Variants in DOCK6 observed in about 807,000 individuals in gnomAD.
DOCK6 encodes dedicator of cytokinesis protein 6.
DOCK6 carries 167 observed loss-of-function variants against 230.3 expected under a neutral mutation model. That is an observed-to-expected ratio of 0.73 (90% confidence interval 0.64 to 0.82). The LOEUF is 0.82. Among genes scored for constraint, DOCK6 ranks in the 40% least tolerant of loss-of-function variants. The pLI, the probability that DOCK6 is intolerant of heterozygous loss-of-function variation, is 0.00. For missense variants in DOCK6, 2,598 were observed against 2,825.8 expected, an observed-to-expected ratio of 0.92 and a Z score of 1.83; for synonymous variants, 1,148 against 1,185.0, an observed-to-expected ratio of 0.97 and a Z score of 0.64.
At chr19:11,246,848 C>T (rs763637128) in intron 7 of DOCK6, among the ~76,000 whole-genome samples, 14 of 152,294 alleles carry the variant, frequency 9.2e-5, no homozygotes, top group Non-Finnish European at 1.5e-4. Context: ...CCGCTCACCA[C>T]GCACCTCCAA....
In DOCK6 at chr19:11,199,476, A is replaced by AC. The variant is rs1241689622; in HGVS notation, c.*20dup. 1.9e-6 allele frequency: 3 copies of AC among 1,572,872 alleles called. No individual in the cohort carries two copies. Among genetic ancestry groups the AC allele is most frequent in the South Asian group, 2.3e-5 (2 of 85,348 alleles). On this transcript the variant is annotated 3_prime_UTR_variant, in exon 48 of 48. Transcript: ENST00000294618. Reference sequence around the variant, plus strand: ...GGCCCGGGTGCTGGTTCCTCTAGGTACAGCTTTGGTCCTTGTGGGCTCAGA... The same window carrying AC: ...GGCCCGGGTGCTGGTTCCTCTAGGTACCAGCTTTGGTCCTTGTGGGCTCAGA...
Position 11,202,535 on chromosome 19 carries a change from C to T in DOCK6, c.5361+49G>A. ...CACCCAGGGACAGCCCCTACTCCAG[C>T]CCCAAGGCAGCCCCATGCCCCGTTC... On this transcript the variant is annotated intron_variant, in intron 42 of 47. Transcript: ENST00000294618. The surrounding 1 kb of genome is among the most constrained non-coding windows in gnomAD (Gnocchi z 5.3). 2 of 1,613,794 alleles carry T rather than the reference C, an allele frequency of 1.2e-6. No homozygotes were observed. The highest frequency in any genetic ancestry group is 1.7e-6 in the Non-Finnish European group (2 of 1,179,814).
At chr19:11,228,766 G>T in intron 23 of DOCK6, 174 bp downstream of exon 23, 2 of 559,522 alleles carry the variant, frequency 3.6e-6, no homozygotes, top group South Asian at 2.1e-5. Flanking sequence ...GTTTCACCGT[G>T]TTAGCCAGGA....
At chr19:11,216,886 C>T (rs1400789907) in intron 30 of DOCK6, 28 bp downstream of exon 30, 1 of 1,611,116 alleles carries the variant, frequency 6.2e-7, no homozygotes, top group Non-Finnish European at 8.5e-7. Flanking sequence ...CCTGCCTCCT[C>T]CATCATCTCC....
intron 5 of DOCK6, chr19:11,251,294 G>C: frequency 1.7e-6 from 1 of 576,482 alleles, no homozygotes; most frequent in South Asian, 2.2e-5. Flanking sequence ...ACCATTGCTG[G>C]GGGAGGCTAC....
Position 11,236,953 on chromosome 19 carries a change from A to G in DOCK6, c.2074-74T>C. The G allele has an allele frequency of 1.4e-6, 2 of 1,441,818 alleles. No individual in the cohort carries two copies. The highest frequency in any genetic ancestry group is 1.3e-5 in the South Asian group (1 of 78,592). The allele number at this position is 1,441,818 out of a possible 1,614,324, so 89.3% of individuals were successfully genotyped here. A position where few individuals can be genotyped will look rare whatever the true frequency, so the allele number is the denominator to read the frequency against. On this transcript the variant is annotated intron_variant, in intron 18 of 47. Coordinates refer to ENST00000294618, the MANE Select transcript of DOCK6 (RefSeq NM_020812.4). This position sits in a 1 kb window ranked among gnomAD's most constrained non-coding sequence, Gnocchi z 5.2. The stretch of plus-strand genomic sequence containing the variant: ...ATCAGGTCACCCAGCGGCCCCAGCC[A>G]TTGCGACACTGCAGCGTGAGTGTAG...
intron 9 of DOCK6, 45 bp downstream of exon 9, chr19:11,245,518 G>C (rs1568257994): frequency 6.6e-7 from 1 of 1,514,684 alleles, no homozygotes; most frequent in Non-Finnish European, 9.0e-7. Flanking sequence ...GACTAAATCA[G>C]TGACATTCGC....
chr19:11,253,799 G>A, intron 1 of DOCK6, 73 bp from the exon 2 acceptor site: 2 of 1,083,638 alleles, frequency 1.8e-6, no homozygotes, highest in Non-Finnish European at 2.6e-6. Flanking sequence ...CTTTCTATGA[G>A]GAAAATCCAG....
At chr19:11,252,715 G>C in intron 3 of DOCK6, 68 bp downstream of exon 3, 1 of 1,595,620 alleles carries the variant, frequency 6.3e-7, no homozygotes, top group Non-Finnish European at 8.6e-7. Flanking sequence ...AGCTGAAGTC[G>C]GGCTGTTGAT....
intron 22 of DOCK6, among the ~76,000 whole-genome samples, chr19:11,230,240 G>A (rs1343230814): frequency 6.6e-6 from 1 of 152,122 alleles, no homozygotes; most frequent in African/African-American, 2.4e-5. Context: ...TTGGGAGGCT[G>A]AGGCAGGAGA....
At chr19:11,211,350 A>G (rs973492964) in intron 37 of DOCK6, among the ~76,000 whole-genome samples, 3 of 146,404 alleles carry the variant, frequency 2.0e-5, no homozygotes, top group Non-Finnish European at 4.5e-5. Flanking sequence ...CAATGGGTCT[A>G]CTCTCTGGAT....
chr19:11,259,191 A>T (rs1762083706), intron 1 of DOCK6, among the ~76,000 whole-genome samples: 2 of 152,054 alleles, frequency 1.3e-5, no homozygotes, highest in Admixed American at 1.3e-4. Flanking sequence ...AGCTGGGACT[A>T]CAGGTATGAG....
In DOCK6 at chr19:11,236,317, A is replaced by G. The variant is rs779342808; in HGVS notation, c.2392+29T>C. 5.3e-6 allele frequency: 8 copies of G among 1,523,158 alleles called. No homozygotes were observed. In the African/African-American group the frequency reaches 9.6e-5, roughly 18 times the overall value. 94.4% of individuals were successfully genotyped at this position (1,523,158 alleles called of 1,614,324 possible). ...GACTGAGAAGCCATGTGGATGGGGA[A>G]ACTGAGGTCTGAGGCCACATTCGCT... On this transcript the variant is annotated intron_variant, in intron 20 of 47. Coordinates refer to ENST00000294618, the MANE Select transcript of DOCK6 (RefSeq NM_020812.4). The surrounding 1 kb of genome is among the most constrained non-coding windows in gnomAD (Gnocchi z 5.2).
intron 1 of DOCK6, chr19:11,254,108 T>G (rs1340741114): frequency 5.3e-6 from 1 of 187,744 alleles, no homozygotes; most frequent in African/African-American, 2.4e-5. Flanking sequence ...CTGGACCCCA[T>G]CCAGAACATA....
At chr19:11,213,720 C>T (rs1303979690) in intron 34 of DOCK6, among the ~76,000 whole-genome samples, 1 of 151,402 alleles carries the variant, frequency 6.6e-6, no homozygotes, top group Non-Finnish European at 1.5e-5. Context: ...CTCAAGCCAT[C>T]CTCCTGCCTC....
intron 22 of DOCK6, among the ~76,000 whole-genome samples, chr19:11,230,635 G>A (rs1286603588): frequency 2.0e-5 from 3 of 152,078 alleles, no homozygotes; most frequent in African/African-American, 7.2e-5. Context: ...CAGAGGTGGA[G>A]GAGGGTGAGT....
chr19:11,203,939 G>T, intron 41 of DOCK6, 142 bp downstream of exon 41: 1 of 1,102,276 alleles, frequency 9.1e-7, no homozygotes, highest in Non-Finnish European at 1.3e-6. Flanking sequence ...GAAATAATGG[G>T]GTGGGTCCCT....
chr19:11,252,046 A>T (rs1012979130), intron 5 of DOCK6, 73 bp downstream of exon 5: 1 of 1,552,146 alleles, frequency 6.4e-7, no homozygotes, highest in Admixed American at 2.0e-5. Context: ...ATTTCCTGTC[A>T]CATGTGACCA....
At chr19:11,230,949 G>A (rs1231794024) in intron 22 of DOCK6, among the ~76,000 whole-genome samples, 2 of 152,282 alleles carry the variant, frequency 1.3e-5, no homozygotes, top group Non-Finnish European at 2.9e-5. Context: ...TCTGACACTT[G>A]AGGGCTCTCT....
Sources: gnomAD v4.1 joint callset for allele counts (sites outside exome capture counted in the v4.1 genomes callset) on GRCh38, gnomAD v4.1.1 for gene constraint, Gnocchi (gnomAD v3.1) non-coding constraint, MANE v1.5 for transcripts, NCBI Gene and HGNC (gene_info 2026-07-23, HGNC 2026-07-21) for gene names.